BLK: variants seen among roughly 807,000 people sequenced by gnomAD.
BLK encodes the protein BLK proto-oncogene, Src family tyrosine kinase.
BLK carries 64 observed loss-of-function variants against 61.8 expected under a neutral mutation model. The ratio of observed to expected loss-of-function variants is 1.03; its 90% CI spans 0.85 to 1.27. The LOEUF is 1.27. BLK is among the 50% of genes most tolerant of loss of function. The pLI is 0.00. For synonymous variants in BLK, 351 were observed against 272.0 expected, an observed-to-expected ratio of 1.29 and a Z score of -2.86; for missense variants, 853 against 660.5, an observed-to-expected ratio of 1.29 and a Z score of -3.19.
chr8:11,534,537 G>A (rs918683242), intron 1 of BLK, among the ~76,000 whole-genome samples: 1 of 152,122 alleles, frequency 6.6e-6, no homozygotes, highest in African/African-American at 2.4e-5. Flanking sequence ...ACTTAACACA[G>A]CTTTATAAAA....
At chr8:11,546,561 A>C (rs2244909) in intron 3 of BLK, among the ~76,000 whole-genome samples, 150,475 of 152,176 alleles carry the variant, frequency 0.99, 74,410 homozygotes, top group Middle Eastern at 1. Flanking sequence ...CCACGCCCCT[A>C]CCTGGTCCCC....
rs56065800 is a variant in BLK, at chr8:11,548,042, C to G, written c.186C>G (p.Phe62Leu). ...PDEHLDEDKH[F>L]VVALYDYTAM... is the part of the protein sequence containing the mutation. Reference sequence around the variant, plus strand: ...CCTTGTTCATTTTAGACAAGCATTTCGTGGTGGCTCTGTATGACTACACCG... The same window carrying G: ...CCTTGTTCATTTTAGACAAGCATTTGGTGGTGGCTCTGTATGACTACACCG... The change falls in exon 4 of 13, where the codon TTC (phenylalanine) becomes TTG (leucine). Residue 62 changes from phenylalanine (F) to leucine (L), a missense_variant. Transcript: ENST00000259089. The G allele has an allele frequency of 6.2e-7, 1 of 1,614,028 alleles. No individual in the cohort carries two copies. Among genetic ancestry groups the G allele is most frequent in the Admixed American group, 1.7e-5 (1 of 60,026 alleles).
intron 11 of BLK, among the ~76,000 whole-genome samples, chr8:11,562,660 C>G (rs1274077097): frequency 6.6e-6 from 1 of 152,266 alleles, no homozygotes; most frequent in Admixed American, 6.5e-5. Flanking sequence ...TAAGGTGAAA[C>G]AGGCCCCTTC....
chr8:11,540,307 A>C (rs746187706), intron 1 of BLK, among the ~76,000 whole-genome samples: 2 of 152,188 alleles, frequency 1.3e-5, no homozygotes, highest in Admixed American at 6.5e-5. Flanking sequence ...TACTGAATTA[A>C]AATGCTATCT....
chr8:11,511,088 G>A (rs2618459), intron 1 of BLK, among the ~76,000 whole-genome samples: 151,423 of 152,336 alleles, frequency 0.99, 75,261 homozygotes, highest in East Asian at 1. Context: ...GGTGAGCTGT[G>A]TTTACCAAAC....
chr8:11,547,412 G>T (rs545369584), intron 3 of BLK, among the ~76,000 whole-genome samples: 1 of 152,180 alleles, frequency 6.6e-6, no homozygotes, highest in African/African-American at 2.4e-5. Context: ...GAGAGCCTGC[G>T]TCACAGCAGG....
rs146863299 is a variant in BLK, at chr8:11,557,868, G to A, written c.953-94G>A. On this transcript the variant is annotated intron_variant, in intron 9 of 12. Transcript: ENST00000259089. ...CTGAGGGTGCAAACTCCCACTTCCCGCGCCCATGGGGAGCCACTCACACCA... is the reference window on the plus strand; with the variant it reads ...CTGAGGGTGCAAACTCCCACTTCCCACGCCCATGGGGAGCCACTCACACCA... The A allele has an allele frequency of 7.9e-4, 862 of 1,095,150 alleles. 9 individuals are homozygous for A. The African/African-American group carries it at 0.011, about 14-fold the overall frequency. The allele number at this position is 1,095,150 out of a possible 1,614,324, so 67.8% of individuals were successfully genotyped here. A position where few individuals can be genotyped will look rare whatever the true frequency, so the allele number is the denominator to read the frequency against.
chr8:11,563,506 C>T (rs879358048), intron 12 of BLK, among the ~76,000 whole-genome samples: 3 of 152,150 alleles, frequency 2.0e-5, no homozygotes, highest in African/African-American at 7.2e-5. Context: ...CAGCCCCAGT[C>T]GAAGGGCTCC....
chr8:11,525,090 GC>G (rs1186118025), intron 1 of BLK, among the ~76,000 whole-genome samples: 1 of 152,142 alleles, frequency 6.6e-6, no homozygotes, highest in Non-Finnish European at 1.5e-5. Flanking sequence ...TTCCTAAAAG[GC>G]TCAGCCCTCC....
chr8:11,534,331 G>C (rs1800021379), intron 1 of BLK, among the ~76,000 whole-genome samples: 1 of 152,110 alleles, frequency 6.6e-6, no homozygotes, highest in South Asian at 2.1e-4. Flanking sequence ...TTAACATTTT[G>C]GCATATTGCT....
At chr8:11,510,144 C>T (rs915698569) in intron 1 of BLK, among the ~76,000 whole-genome samples, 1 of 152,182 alleles carries the variant, frequency 6.6e-6, no homozygotes, top group Admixed American at 6.5e-5. Flanking sequence ...CATCGTGGAG[C>T]TGGAGAGTGT....
At chr8:11,532,070 G>T (rs766642424) in intron 1 of BLK, among the ~76,000 whole-genome samples, 9 of 151,864 alleles carry the variant, frequency 5.9e-5, no homozygotes, top group Non-Finnish European at 1.3e-4. Flanking sequence ...TGTTGGCCAG[G>T]CTGGTCTCAA....
Position 11,543,337 on chromosome 8 carries a change from TG to T in BLK, c.114del (p.Pro39ArgfsTer34). 6.2e-7 allele frequency: 1 copy of T among 1,613,210 alleles called. No homozygotes were observed. Among genetic ancestry groups the T allele is most frequent in the Non-Finnish European group, 8.5e-7 (1 of 1,180,006 alleles). ...VSAQDKDAPP[L>X]PPLVVFNHLT... ...GCCCAAGACAAGGACGCCCCGCCAC[TG>T]CCGCCCCTGGTGAGTGATTGCCCAC... On this transcript the variant is annotated frameshift_variant, in exon 2 of 13. Transcript: ENST00000259089. LOFTEE classifies it high-confidence loss of function.
rs181544636 is a variant in BLK at position 11,541,711 on chromosome 8, T to C, written c.-1-1513T>C. 3.5e-3 allele frequency among the ~76,000 whole-genome samples: 528 copies of C among 152,320 alleles called. 2 individuals carry two copies. Among genetic ancestry groups the C allele is most frequent in the Non-Finnish European group, 5.9e-3 (401 of 68,024 alleles). On this transcript the variant is annotated intron_variant, in intron 1 of 12. Transcript: ENST00000259089. ...TGGAGATTCACTGTGTTAGCCAGGC[T>C]GGTCTCGAACTCCTGACCTCAAGGG... is the stretch of plus-strand genomic sequence containing the variant.
intron 1 of BLK, among the ~76,000 whole-genome samples, chr8:11,524,946 A>C (rs1799595057): frequency 6.6e-6 from 1 of 150,860 alleles, no homozygotes; most frequent in Admixed American, 6.6e-5. Context: ...ATGGAAAATT[A>C]CATATCACGA....
intron 6 of BLK, 106 bp from the exon 7 acceptor site, chr8:11,554,637 C>A: frequency 1.4e-6 from 2 of 1,382,322 alleles, no homozygotes; most frequent in Non-Finnish European, 2.0e-6. Flanking sequence ...TAATGAAGAA[C>A]AGAATTGGGG....
intron 2 of BLK, among the ~76,000 whole-genome samples, chr8:11,545,065 A>T (rs1428522582): frequency 6.6e-6 from 1 of 152,166 alleles, no homozygotes; most frequent in Non-Finnish European, 1.5e-5. Context: ...TTCATTATTC[A>T]TGTTGTAAAC....
At chr8:11,555,248 G>A in intron 7 of BLK, 84 bp from the exon 8 acceptor site, 2 of 1,584,912 alleles carry the variant, frequency 1.3e-6, no homozygotes, top group Non-Finnish European at 1.7e-6. Context: ...GGGAGTGGAG[G>A]GCCAGCTAGG....
At chr8:11,547,663 C>T (rs926783673) in intron 3 of BLK, among the ~76,000 whole-genome samples, 11 of 152,288 alleles carry the variant, frequency 7.2e-5, no homozygotes, top group African/African-American at 2.2e-4. Context: ...TATGGGCCTC[C>T]GAGGGCAGGT....
Sources: allele counts gnomAD v4.1 joint callset (sites outside exome capture counted in the v4.1 genomes callset), GRCh38; gene constraint gnomAD v4.1.1; transcripts MANE v1.5; gene names NCBI Gene and HGNC (gene_info 2026-07-23, HGNC 2026-07-21).